Variants in CADM2 observed in about 807,000 individuals in gnomAD.
CADM2 encodes cell adhesion molecule 2, also known as immunoglobulin superfamily member 4D.
In CADM2, 12 loss-of-function variants were observed where a neutral mutation model predicts 49.8. The observed-to-expected ratio is 0.24, with a 90% CI of 0.15 to 0.39. The LOEUF (loss-of-function observed/expected upper bound fraction) is 0.39. Ranked by LOEUF, CADM2 falls within the 10% of genes least tolerant of loss-of-function variation. The probability of loss-of-function intolerance (pLI) is 1.00; values close to 1 mark genes in which losing one functional copy is unlikely to be tolerated. For missense variants in CADM2, 378 were observed against 492.3 expected, an observed-to-expected ratio of 0.77 and a Z score of 2.20; for synonymous variants, 214 against 175.4, an observed-to-expected ratio of 1.22 and a Z score of -1.74.
intron 8 of CADM2, among the ~76,000 whole-genome samples, chr3:86,024,591 C>T (rs1733642150): frequency 6.6e-6 from 1 of 152,084 alleles, no homozygotes. Context: ...TACATTGAAT[C>T]CACAATTATG....
intron 8 of CADM2, chr3:86,013,560 A>G: frequency 6.2e-7 from 1 of 1,603,956 alleles, no homozygotes; most frequent in East Asian, 2.2e-5. Context: ...GATGGTAGAG[A>G]TCTGTGAGAG....
At chr3:85,969,413 A>C (rs967178045) in intron 8 of CADM2, among the ~76,000 whole-genome samples, 52 of 151,432 alleles carry the variant, frequency 3.4e-4, no homozygotes, top group African/African-American at 1.2e-3. Context: ...AAGATGCACA[A>C]GAAATGCTGC....
chr3:85,142,424 T>C (rs1327359263), intron 1 of CADM2, among the ~76,000 whole-genome samples: 4 of 152,200 alleles, frequency 2.6e-5, no homozygotes, highest in Non-Finnish European at 5.9e-5. Context: ...TATGAGAATA[T>C]GAATGAAAAA....
intron 1 of CADM2, among the ~76,000 whole-genome samples, chr3:85,004,967 A>G (rs1333889263): frequency 1.3e-5 from 2 of 152,156 alleles, no homozygotes; most frequent in Non-Finnish European, 2.9e-5. Flanking sequence ...TGCAATAACT[A>G]ATGGCAGTTG....
intron 8 of CADM2, among the ~76,000 whole-genome samples, chr3:86,060,098 T>A (rs1401554009): frequency 6.6e-6 from 1 of 152,096 alleles, no homozygotes; most frequent in African/African-American, 2.4e-5. Context: ...GTGTTATAAA[T>A]TAATTTCTTC....
intron 8 of CADM2, among the ~76,000 whole-genome samples, chr3:86,025,183 G>A (rs1400983844): frequency 1.3e-5 from 2 of 151,916 alleles, no homozygotes; most frequent in Non-Finnish European, 2.9e-5. Context: ...AGCCTCCTGA[G>A]TAGCTGGGAC....
intron 3 of CADM2, among the ~76,000 whole-genome samples, chr3:85,825,348 T>C (rs901758904): frequency 6.6e-6 from 1 of 151,934 alleles, no homozygotes; most frequent in Non-Finnish European, 1.5e-5. Context: ...GGTGAGGAGG[T>C]ATTACTTACT....
chr3:85,622,735 C>G (rs190612714), intron 1 of CADM2, among the ~76,000 whole-genome samples: 90 of 152,262 alleles, frequency 5.9e-4, no homozygotes, highest in African/African-American at 2.1e-3. Flanking sequence ...CCCGCTACCC[C>G]TATGCACTGC....
chr3:85,835,229 A>T (rs73845687), intron 3 of CADM2, among the ~76,000 whole-genome samples: 2,515 of 151,306 alleles, frequency 0.017, 69 homozygotes, highest in African/African-American at 0.058. Flanking sequence ...ATGTTTTGAT[A>T]GACATATTTT....
At chr3:85,430,216 G>A (rs1055571599) in intron 1 of CADM2, among the ~76,000 whole-genome samples, 1 of 152,132 alleles carries the variant, frequency 6.6e-6, no homozygotes, top group Non-Finnish European at 1.5e-5. Flanking sequence ...AAAGACTAGG[G>A]TACAGATCCT....
chr3:85,678,933 T>C (rs534605776), intron 1 of CADM2, among the ~76,000 whole-genome samples: 2 of 152,198 alleles, frequency 1.3e-5, no homozygotes, highest in Non-Finnish European at 1.5e-5. Flanking sequence ...CATCCTGCCA[T>C]TCATAGGGCA....
intron 1 of CADM2, among the ~76,000 whole-genome samples, chr3:85,240,724 G>C (rs1254434766): frequency 6.6e-6 from 1 of 151,434 alleles, no homozygotes; most frequent in African/African-American, 2.4e-5. Context: ...TCAAAATCCT[G>C]TTTATTTTTC....
intron 1 of CADM2, among the ~76,000 whole-genome samples, chr3:85,549,256 G>A (rs2061739252): frequency 6.6e-6 from 1 of 152,188 alleles, no homozygotes; most frequent in Non-Finnish European, 1.5e-5. Context: ...GTTAACAGTA[G>A]TGGGATGAAA....
intron 1 of CADM2, among the ~76,000 whole-genome samples, chr3:84,976,479 C>A (rs2031826116): frequency 6.6e-6 from 1 of 151,278 alleles, no homozygotes; most frequent in Non-Finnish European, 1.5e-5. Flanking sequence ...ATTTTTCCTT[C>A]AAAAATATAG....
intron 1 of CADM2, among the ~76,000 whole-genome samples, chr3:85,047,614 C>A (rs189357801): frequency 2.0e-4 from 30 of 152,166 alleles, no homozygotes; most frequent in Non-Finnish European, 3.4e-4. Flanking sequence ...TACAGTATAT[C>A]TTTAACTTTC....
intron 1 of CADM2, among the ~76,000 whole-genome samples, chr3:85,432,344 G>A (rs934662369): frequency 2.0e-5 from 3 of 151,984 alleles, no homozygotes; most frequent in Admixed American, 2.0e-4. Context: ...GTCGCAGAGG[G>A]AGGGAGCGAC....
intron 1 of CADM2, among the ~76,000 whole-genome samples, chr3:85,597,733 T>C (rs77261713): frequency 0.081 from 12,263 of 152,120 alleles, 955 homozygotes; most frequent in African/African-American, 0.18. Flanking sequence ...GAAAGTCTTA[T>C]TAAACTTCGA....
intron 1 of CADM2, among the ~76,000 whole-genome samples, chr3:85,195,598 G>GTAAGTGAT (rs1559714335): frequency 6.6e-6 from 1 of 150,766 alleles, no homozygotes; most frequent in African/African-American, 2.4e-5. Context: ...TTCAAAAAAT[G>GTAAGTGAT]TCAGTAGAGC....
intron 1 of CADM2, among the ~76,000 whole-genome samples, chr3:85,272,963 CA>C (rs1272052535): frequency 6.6e-6 from 1 of 150,834 alleles, no homozygotes; most frequent in Non-Finnish European, 1.5e-5. Flanking sequence ...TTATGATGAA[CA>C]ACAACAACAA....
Sources: gnomAD v4.1 joint callset for allele counts (sites outside exome capture counted in the v4.1 genomes callset) on GRCh38, gnomAD v4.1.1 for gene constraint, MANE v1.5 for transcripts, NCBI Gene and HGNC (gene_info 2026-07-23, HGNC 2026-07-21) for gene names.